The following PRKG1 variants were observed in gnomAD, a reference collection of about 807,000 sequenced individuals.
The protein encoded by PRKG1 is cGMP-dependent protein kinase 1.
A neutral mutation model predicts 88.1 loss-of-function variants in PRKG1; 35 were observed. The observed-to-expected ratio is 0.40, with a 90% CI of 0.30 to 0.53. The LOEUF is 0.53. Among genes scored for constraint, PRKG1 ranks in the 20% least tolerant of loss-of-function variants. PRKG1 has a pLI of 0.59. For missense variants in PRKG1, 540 were observed against 839.8 expected (o/e 0.64, Z 4.41); for synonymous variants, 303 against 292.5 (o/e 1.04, Z -0.37).
intron 2 of PRKG1, among the ~76,000 whole-genome samples, chr10:51,407,942 C>T (rs1158445924): frequency 6.6e-6 from 1 of 152,170 alleles, no homozygotes; most frequent in Admixed American, 6.5e-5. Context: ...TGGCGGCAAT[C>T]TTAACTTTCA....
intron 3 of PRKG1, among the ~76,000 whole-genome samples, chr10:51,505,040 G>A: frequency 6.6e-6 from 1 of 152,178 alleles, no homozygotes; most frequent in Non-Finnish European, 1.5e-5. Flanking sequence ...GGACATCTCT[G>A]TCTTGTGCCC....
chr10:52,092,191 A>T (rs975460878), intron 7 of PRKG1, among the ~76,000 whole-genome samples: 1 of 152,182 alleles, frequency 6.6e-6, no homozygotes, highest in South Asian at 2.1e-4. Flanking sequence ...AGGATGACTC[A>T]TAAGGGGTAT....
chr10:51,809,937 G>C (rs988231729), intron 4 of PRKG1, among the ~76,000 whole-genome samples: 2 of 151,992 alleles, frequency 1.3e-5, no homozygotes, highest in Non-Finnish European at 2.9e-5. Flanking sequence ...CCCAGTCACA[G>C]GTACTGTTTC....
At position 51,074,765 on chromosome 10, in the gene PRKG1, C is replaced by G; in HGVS notation, c.175C>G (p.Gln59Glu). 1 of 1,614,036 alleles carries G rather than the reference C, an allele frequency of 6.2e-7. No homozygotes were observed. The highest frequency in any genetic ancestry group is 8.5e-7 in the Non-Finnish European group (1 of 1,179,938). The change falls in exon 1 of 18, where the codon CAG (glutamine) becomes GAG (glutamate). Residue 59 changes from glutamine to glutamate, a missense_variant. By Grantham distance (29) the Gln-to-Glu change is conservative. Coordinates refer to ENST00000373980, the MANE Select transcript of PRKG1 (RefSeq NM_006258.4). Reference protein sequence around the residue: ...YRSVIRPATQQAQKQSASTLQ... With the variant: ...YRSVIRPATQEAQKQSASTLQ... ...CTCGGTGATCCGACCAGCCACCCAG[C>G]AGGCGCAGAAGCAGAGCGCGAGCAC...
At chr10:52,265,037 T>C (rs56241923) in intron 10 of PRKG1, among the ~76,000 whole-genome samples, 446 of 152,236 alleles carry the variant, frequency 2.9e-3, no homozygotes, top group Admixed American at 4.8e-3. Context: ...TAAATATAAT[T>C]AACATGCTTT....
At chr10:52,224,676 T>A (rs1329820876) in intron 9 of PRKG1, among the ~76,000 whole-genome samples, 1 of 150,406 alleles carries the variant, frequency 6.6e-6, no homozygotes, top group Non-Finnish European at 1.5e-5. Flanking sequence ...AGCTCCCACA[T>A]ATCAGTGAGA....
chr10:51,332,922 A>C (rs1176411851), intron 2 of PRKG1, among the ~76,000 whole-genome samples: 1 of 152,188 alleles, frequency 6.6e-6, no homozygotes, highest in African/African-American at 2.4e-5. Flanking sequence ...ACATTTATTC[A>C]GTGCTAACTA....
At chr10:51,176,636 A>T (rs946373379) in intron 2 of PRKG1, among the ~76,000 whole-genome samples, 1 of 152,186 alleles carries the variant, frequency 6.6e-6, no homozygotes, top group Non-Finnish European at 1.5e-5. Flanking sequence ...AAGGTTCTTG[A>T]GTTAGATTCA....
intron 2 of PRKG1, among the ~76,000 whole-genome samples, chr10:51,178,483 A>G (rs1440231148): frequency 6.6e-6 from 1 of 152,070 alleles, no homozygotes; most frequent in Non-Finnish European, 1.5e-5. Flanking sequence ...AGAAAATACA[A>G]AAAATTAGCC....
Position 51,370,394 on chromosome 10 carries a change from T to C in PRKG1, c.479-97329T>C, listed in dbSNP as rs79121665. 5.1e-3 allele frequency among the ~76,000 whole-genome samples: 768 copies of C among 152,026 alleles called. 7 individuals are homozygous for C. The highest frequency in any genetic ancestry group is 0.013 in the South Asian group (62 of 4,814). ...TTCCTAGCGGGATGAGAGTCCTGAG[T>C]GGCCTATTCCTAAGGAGGCTGGAGG... is the stretch of plus-strand genomic sequence containing the variant. On this transcript the variant is annotated intron_variant, in intron 2 of 17. Coordinates refer to ENST00000373980, the MANE Select transcript of PRKG1 (RefSeq NM_006258.4).
intron 3 of PRKG1, among the ~76,000 whole-genome samples, chr10:51,543,409 T>C (rs1277097106): frequency 6.6e-6 from 1 of 152,180 alleles, no homozygotes; most frequent in Non-Finnish European, 1.5e-5. Flanking sequence ...TATTCAACAG[T>C]GTGAGGGTGA....
intron 2 of PRKG1, among the ~76,000 whole-genome samples, chr10:51,435,425 C>CATATATATATATATATGTCATATG (rs1838895627): frequency 6.9e-6 from 1 of 144,214 alleles, no homozygotes; most frequent in Non-Finnish European, 1.5e-5. Flanking sequence ...ACATTACTGA[C>CATATATATATATATATGTCATATG]ATATATATAT....
intron 8 of PRKG1, among the ~76,000 whole-genome samples, chr10:52,146,497 T>C (rs1053797158): frequency 1.3e-5 from 2 of 152,186 alleles, no homozygotes; most frequent in African/African-American, 4.8e-5. Flanking sequence ...AATTCTTTTT[T>C]TTCTCCATTT....
chr10:51,560,494 C>A (rs1205665511), intron 3 of PRKG1, among the ~76,000 whole-genome samples: 1 of 151,988 alleles, frequency 6.6e-6, no homozygotes, highest in Non-Finnish European at 1.5e-5. Context: ...AAATTTAGTT[C>A]TAATTTTTTG....
intron 2 of PRKG1, among the ~76,000 whole-genome samples, chr10:51,265,491 C>G (rs1839816023): frequency 6.6e-6 from 1 of 151,852 alleles, no homozygotes. Context: ...TCTGGCAACC[C>G]CCTTAATGTT....
chr10:51,355,028 T>C (rs1338463651), intron 2 of PRKG1, among the ~76,000 whole-genome samples: 1 of 152,062 alleles, frequency 6.6e-6, no homozygotes, highest in African/African-American at 2.4e-5. Flanking sequence ...ATTTATTAAC[T>C]GTATGCTTTT....
rs116009249 is a variant in PRKG1, at chr10:51,748,389, T to C, written c.593-56196T>C. 2.6e-3 allele frequency among the ~76,000 whole-genome samples: 390 copies of C among 152,364 alleles called. 3 individuals are homozygous for C. The highest frequency in any genetic ancestry group is 8.8e-3 in the African/African-American group (366 of 41,582). On this transcript the variant is annotated intron_variant, in intron 3 of 17. Coordinates refer to ENST00000373980, the MANE Select transcript of PRKG1 (RefSeq NM_006258.4). The stretch of plus-strand genomic sequence containing the variant: ...TGGTGCTGAAGGGAATATTTCAGTC[T>C]GTATGATAATTAAATTTTTCATGAC...
intron 2 of PRKG1, among the ~76,000 whole-genome samples, chr10:51,356,449 A>G (rs1842368821): frequency 2.0e-5 from 3 of 152,012 alleles, no homozygotes; most frequent in Admixed American, 2.0e-4. Context: ...TAAACAGAAT[A>G]AATCATTCTT....
chr10:51,574,390 A>T (rs551987946), intron 3 of PRKG1, among the ~76,000 whole-genome samples: 1 of 152,062 alleles, frequency 6.6e-6, no homozygotes, highest in African/African-American at 2.4e-5. Context: ...TTATCATTTT[A>T]AAAATTGAAA....
Sources: gnomAD v4.1 joint callset for allele counts (sites outside exome capture counted in the v4.1 genomes callset) on GRCh38, gnomAD v4.1.1 for gene constraint, MANE v1.5 for transcripts, NCBI Gene and HGNC (gene_info 2026-07-23, HGNC 2026-07-21) for gene names.